The following ADARB2 variants were observed in gnomAD, a reference collection of about 807,000 sequenced individuals.
The protein encoded by ADARB2 is inactive double-stranded RNA-specific editase B2.
A neutral mutation model predicts 62.2 loss-of-function variants in ADARB2; 25 were observed. That is an observed-to-expected ratio of 0.40 (90% CI 0.29 to 0.56). ADARB2 has a LOEUF of 0.56. Ranked by LOEUF, ADARB2 falls within the 20% of genes least tolerant of loss-of-function variation. The probability of loss-of-function intolerance (pLI) is 0.43; values close to 1 mark genes in which losing one functional copy is unlikely to be tolerated. For missense variants in ADARB2, 1,071 were observed against 1,077.4 expected (o/e 0.99, Z 0.08); for synonymous variants, 572 against 500.8 (o/e 1.14, Z -1.90).
intron 5 of ADARB2, among the ~76,000 whole-genome samples, chr10:1,234,739 T>C (rs1019749465): frequency 3.7e-4 from 7 of 18,806 alleles, no homozygotes; most frequent in Non-Finnish European, 6.2e-4. Flanking sequence ...ACCATGATCT[T>C]TTTTTTTTTT....
chr10:1,703,873 T>C (rs1308967373), intron 1 of ADARB2, among the ~76,000 whole-genome samples: 3 of 152,206 alleles, frequency 2.0e-5, no homozygotes, highest in Admixed American at 1.3e-4. Context: ...TTTTGTTAAA[T>C]GCGGTCAACC....
rs1830856782 is a variant in ADARB2, at chr10:1,235,362, T to C, written c.1362-1517A>G. On this transcript the variant is annotated intron_variant, in intron 5 of 9. Transcript: ENST00000381312. ...CCTCTCTGATGGTGAATGATTTGCC[T>C]GTTGCAAAACTCCCACCAGCTGTGA... Among the ~76,000 whole-genome samples, 12 of 100,984 alleles carry C rather than the reference T, an allele frequency of 1.2e-4. 1 individual carries two copies. The South Asian group carries it at 4.5e-3, about 38-fold the overall frequency. 66.2% of individuals were successfully genotyped at this position (100,984 alleles called of 152,430 possible).
At chr10:1,399,022 C>T (rs565757435) in intron 1 of ADARB2, among the ~76,000 whole-genome samples, 5 of 152,118 alleles carry the variant, frequency 3.3e-5, no homozygotes, top group East Asian at 1.9e-4. Context: ...AGCGGGGCCA[C>T]GACAAATGTT....
intron 3 of ADARB2, among the ~76,000 whole-genome samples, chr10:1,327,463 T>C (rs111857104): frequency 0.025 from 1,238 of 49,586 alleles, 191 homozygotes; most frequent in African/African-American, 0.03. Flanking sequence ...CAGCGCCTCC[T>C]CACTGCACAG....
chr10:1,392,929 T>G (rs1832582737), intron 1 of ADARB2, among the ~76,000 whole-genome samples: 1 of 152,136 alleles, frequency 6.6e-6, no homozygotes, highest in African/African-American at 2.4e-5. Flanking sequence ...GGAGAGAGTT[T>G]CTTTAAAGAG....
chr10:1,669,655 C>A (rs183004720), intron 1 of ADARB2, among the ~76,000 whole-genome samples: 2 of 150,014 alleles, frequency 1.3e-5, no homozygotes, highest in East Asian at 4.0e-4. Context: ...CAGATACACA[C>A]ACAGGGAGAC....
chr10:1,389,511 G>C (rs1564277047), intron 1 of ADARB2, among the ~76,000 whole-genome samples: 2 of 152,118 alleles, frequency 1.3e-5, no homozygotes. Flanking sequence ...ACACTACAAA[G>C]ACATACAAAT....
chr10:1,252,474 A>G (rs1345995402), intron 4 of ADARB2, among the ~76,000 whole-genome samples: 1 of 152,216 alleles, frequency 6.6e-6, no homozygotes, highest in Non-Finnish European at 1.5e-5. Context: ...TTCAGTGTTC[A>G]GCCTAACTGA....
rs2676730 is a variant in ADARB2, at chr10:1,579,160, C to T, written c.100+157891G>A. On this transcript the variant is annotated intron_variant, in intron 1 of 9. Transcript: ENST00000381312. ...TTTATATCAAGTACTTAGAGTCAGG[C>T]AGGTGAAGATGCTCAGCGGTCACAG... Among the ~76,000 whole-genome samples, 1,043 of 152,298 alleles carry T rather than the reference C, an allele frequency of 6.8e-3. 9 individuals carry two copies. Among genetic ancestry groups the T allele is most frequent in the African/African-American group, 0.024 (1,001 of 41,558 alleles).
intron 1 of ADARB2, among the ~76,000 whole-genome samples, chr10:1,602,902 T>G (rs1252201278): frequency 6.6e-6 from 1 of 151,336 alleles, no homozygotes; most frequent in Non-Finnish European, 1.5e-5. Flanking sequence ...CATACACATA[T>G]GAACACACAC....
chr10:1,488,198 TAC>T (rs1831567138), intron 1 of ADARB2, among the ~76,000 whole-genome samples: 1 of 145,348 alleles, frequency 6.9e-6, no homozygotes, highest in Admixed American at 7.7e-5. Flanking sequence ...TTTGAAAAGA[TAC>T]AGACATTATC....
chr10:1,581,797 A>G (rs931995921), intron 1 of ADARB2, among the ~76,000 whole-genome samples: 2 of 151,770 alleles, frequency 1.3e-5, no homozygotes, highest in Non-Finnish European at 2.9e-5. Flanking sequence ...AGATGCACCC[A>G]GATAGGCATA....
At chr10:1,633,564 CT>C (rs1407682259) in intron 1 of ADARB2, among the ~76,000 whole-genome samples, 1 of 145,572 alleles carries the variant, frequency 6.9e-6, no homozygotes, top group Non-Finnish European at 1.5e-5. Context: ...ATCTATCTAT[CT>C]ATCTATCTAT....
At position 1,642,013 on chromosome 10, in the gene ADARB2, A is replaced by T. The variant is rs1013048013; in HGVS notation, c.100+95038T>A. On this transcript the variant is annotated intron_variant, in intron 1 of 9. Coordinates refer to ENST00000381312, the MANE Select transcript of ADARB2 (RefSeq NM_018702.4). ...GGGCTACAGAGCGAGACTCCATTTA[A>T]AAAAAAAAGTGTTCCTGTTATAACT... Among the ~76,000 whole-genome samples, 427 of 42,972 alleles carry T rather than the reference A, an allele frequency of 9.9e-3. 2 individuals are homozygous for T. The highest frequency in any genetic ancestry group is 0.016 in the African/African-American group (403 of 24,704). 28.2% of individuals were successfully genotyped at this position (42,972 alleles called of 152,430 possible).
At chr10:1,653,078 G>A (rs557180843) in intron 1 of ADARB2, among the ~76,000 whole-genome samples, 25 of 152,294 alleles carry the variant, frequency 1.6e-4, no homozygotes, top group African/African-American at 5.5e-4. Flanking sequence ...GAGCTTCCCT[G>A]CAAAAGGGTG....
intron 1 of ADARB2, among the ~76,000 whole-genome samples, chr10:1,553,936 A>C (rs1832664633): frequency 6.6e-6 from 1 of 152,200 alleles, no homozygotes; most frequent in Admixed American, 6.5e-5. Context: ...AAATTACACA[A>C]ATCAGCAGAG....
At chr10:1,506,617 G>T (rs1588281057) in intron 1 of ADARB2, among the ~76,000 whole-genome samples, 1 of 152,194 alleles carries the variant, frequency 6.6e-6, no homozygotes, top group African/African-American at 2.4e-5. Context: ...CACTGTGCAG[G>T]GTCTCATGTG....
chr10:1,404,246 T>G (rs200553308), intron 1 of ADARB2, among the ~76,000 whole-genome samples: 4 of 152,122 alleles, frequency 2.6e-5, no homozygotes, highest in Non-Finnish European at 5.9e-5. Context: ...TGCTTGGCCA[T>G]GAGAGCAGGA....
chr10:1,516,782 G>A (rs969716076), intron 1 of ADARB2, among the ~76,000 whole-genome samples: 9 of 152,190 alleles, frequency 5.9e-5, no homozygotes, highest in African/African-American at 2.2e-4. Context: ...GAGGATAATC[G>A]GTAAAGTGAC....
Sources: gnomAD v4.1 joint callset for allele counts (sites outside exome capture counted in the v4.1 genomes callset) on GRCh38, gnomAD v4.1.1 for gene constraint, MANE v1.5 for transcripts, NCBI Gene and HGNC (gene_info 2026-07-23, HGNC 2026-07-21) for gene names.